The following TAAR5 variants were observed in gnomAD, a reference collection of about 807,000 sequenced individuals.
The protein encoded by TAAR5 is trace amine associated receptor 5.
A neutral mutation model predicts 21.1 loss-of-function variants in TAAR5; 27 were observed. That is an observed-to-expected ratio of 1.28 (90% confidence interval 0.94 to 1.76). The LOEUF (loss-of-function observed/expected upper bound fraction) is 1.76, where lower values mean the gene tolerates loss of function less well. TAAR5 is among the 40% of genes most tolerant of loss of function. The pLI is 0.00. For missense variants in TAAR5, 495 were observed against 405.6 expected, an observed-to-expected ratio of 1.22 and a Z score of -1.89; for synonymous variants, 203 against 167.5, an observed-to-expected ratio of 1.21 and a Z score of -1.64.
upstream of TAAR5, among the ~76,000 whole-genome samples, chr6:132,590,352 G>A (rs186990119): frequency 2.0e-5 from 3 of 152,290 alleles, no homozygotes; most frequent in Non-Finnish European, 4.4e-5. Flanking sequence ...CACATTTTAT[G>A]ATGATAACAC....
upstream of TAAR5, among the ~76,000 whole-genome samples, chr6:132,592,333 A>G (rs138584937): frequency 3.1e-3 from 476 of 152,376 alleles, 4 homozygotes; most frequent in African/African-American, 0.011. Flanking sequence ...TGAAATTATG[A>G]AGCCAGATGG....
At chr6:132,599,115 G>A in the TAAR5 span, among the ~76,000 whole-genome samples, 1 of 152,056 alleles carries the variant, frequency 6.6e-6, no homozygotes, top group African/African-American at 2.4e-5. Flanking sequence ...AAAAGAACAA[G>A]GCTTCAACAC....
chr6:132,609,129 C>T, the TAAR5 span: 6 of 414,196 alleles, frequency 1.4e-5, no homozygotes, highest in East Asian at 4.3e-4. Flanking sequence ...CCATTATAAC[C>T]AAGTTTCCGA....
chr6:132,612,383 C>CTT, the TAAR5 span, among the ~76,000 whole-genome samples: 1 of 152,106 alleles, frequency 6.6e-6, no homozygotes, highest in Non-Finnish European at 1.5e-5. Flanking sequence ...TAAAATGTCC[C>CTT]TATAAATGAA....
the TAAR5 span, among the ~76,000 whole-genome samples, chr6:132,604,865 G>C: frequency 6.6e-6 from 1 of 152,140 alleles, no homozygotes; most frequent in East Asian, 1.9e-4. Flanking sequence ...TCATAGCCAG[G>C]GGCAGCAATA....
the TAAR5 span, among the ~76,000 whole-genome samples, chr6:132,602,576 G>T: frequency 6.6e-6 from 1 of 152,096 alleles, no homozygotes; most frequent in African/African-American, 2.4e-5. Context: ...TTGCTTGCTT[G>T]CCTGCCCCTC....
At chr6:132,604,185 C>A in the TAAR5 span, among the ~76,000 whole-genome samples, 1 of 145,566 alleles carries the variant, frequency 6.9e-6, no homozygotes, top group Non-Finnish European at 1.5e-5. Flanking sequence ...CTCTCAGTCG[C>A]CAGGCTAGAG....
chr6:132,610,863 G>A, the TAAR5 span, among the ~76,000 whole-genome samples: 1 of 151,654 alleles, frequency 6.6e-6, no homozygotes, highest in Non-Finnish European at 1.5e-5. Flanking sequence ...TGCAGGGCTA[G>A]ATGAGCCTTG....
At chr6:132,594,218 C>T (rs925798188), upstream of TAAR5, among the ~76,000 whole-genome samples, 11 of 152,182 alleles carry the variant, frequency 7.2e-5, no homozygotes, top group East Asian at 1.9e-4. Context: ...AGAAATGGAC[C>T]GCTTTGGTAG....
At chr6:132,599,613 G>A in the TAAR5 span, among the ~76,000 whole-genome samples, 1 of 152,112 alleles carries the variant, frequency 6.6e-6, no homozygotes, top group Non-Finnish European at 1.5e-5. Context: ...ACAGGCATGA[G>A]CCACCGCTCC....
At chr6:132,613,391 T>C in the TAAR5 span, among the ~76,000 whole-genome samples, 1 of 152,220 alleles carries the variant, frequency 6.6e-6, no homozygotes, top group Non-Finnish European at 1.5e-5. Flanking sequence ...CTTTTCCTCA[T>C]AAAAATTATG....
the TAAR5 span, among the ~76,000 whole-genome samples, chr6:132,602,847 TAA>T: frequency 2.7e-5 from 4 of 146,676 alleles, no homozygotes; most frequent in African/African-American, 7.6e-5. Context: ...GGCTATGGAT[TAA>T]AAAAAAAATG....
chr6:132,597,725 C>T, the TAAR5 span, among the ~76,000 whole-genome samples: 20 of 152,152 alleles, frequency 1.3e-4, no homozygotes, highest in African/African-American at 4.6e-4. Context: ...AACAACCACC[C>T]ATGGAAATTA....
At chr6:132,607,412 G>T in the TAAR5 span, among the ~76,000 whole-genome samples, 16 of 151,976 alleles carry the variant, frequency 1.1e-4, no homozygotes, top group Non-Finnish European at 2.1e-4. Context: ...CTGAAAAAAT[G>T]TTCACCAAAG....
the TAAR5 span, among the ~76,000 whole-genome samples, chr6:132,600,924 GGAGGGAAGGAGGGAAGGAGGGAAAGAAA>G: frequency 1.5e-3 from 159 of 103,450 alleles, no homozygotes; most frequent in East Asian, 5.5e-3. Flanking sequence ...AAGGAAGGAA[GGAGGGAAGGAGGGAAGGAGGGAAAGAAA>G]GAAGGAGGGA....
At chr6:132,599,769 T>A in the TAAR5 span, among the ~76,000 whole-genome samples, 1 of 152,212 alleles carries the variant, frequency 6.6e-6, no homozygotes, top group African/African-American at 2.4e-5. Context: ...AATGTTGGAT[T>A]TCCTCTATAT....
the TAAR5 span, among the ~76,000 whole-genome samples, chr6:132,602,779 C>CAAAAAAAAA: frequency 0.024 from 2,299 of 95,416 alleles, 24 homozygotes; most frequent in Admixed American, 0.044. Context: ...CTTTAGAAGT[C>CAAAAAAAAA]AAAAAAAAAA....
In TAAR5 at chr6:132,589,613, G is replaced by T. The variant is rs1297577616; in HGVS notation, c.74C>A (p.Pro25His). 1 of 1,613,716 alleles carries T rather than the reference G, an allele frequency of 6.2e-7. No individual in the cohort carries two copies. The change falls in exon 1 of 1, where the codon CCC (proline) becomes CAC (histidine). Residue 25 changes from proline (P) to histidine (H), a missense_variant. Coordinates refer to ENST00000258034, the MANE Select transcript of TAAR5 (RefSeq NM_003967.3). ...AFCYQVNGSCPRTVHTLGIQL... is the reference protein window; with the variant it reads ...AFCYQVNGSCHRTVHTLGIQL... Reference sequence around the variant, plus strand: ...GATGCCCAGAGTATGTACTGTCCTGGGGCAAGACCCATTCACCTGGTAGCA... The same window carrying T: ...GATGCCCAGAGTATGTACTGTCCTGTGGCAAGACCCATTCACCTGGTAGCA...
chr6:132,607,635 C>T, the TAAR5 span, among the ~76,000 whole-genome samples: 6 of 152,128 alleles, frequency 3.9e-5, no homozygotes, highest in African/African-American at 9.7e-5. Context: ...AGTTAATAAT[C>T]GCAAAGGCAA....
Sources: gnomAD v4.1 joint callset for allele counts (sites outside exome capture counted in the v4.1 genomes callset) on GRCh38, gnomAD v4.1.1 for gene constraint, MANE v1.5 for transcripts, NCBI Gene and HGNC (gene_info 2026-07-23, HGNC 2026-07-21) for gene names.